UBE4B: variants seen among roughly 807,000 people sequenced by gnomAD.
UBE4B encodes the protein ubiquitination factor E4B.
Under a neutral mutation model 148.1 loss-of-function variants are expected in UBE4B, and 27 were observed. The ratio of observed to expected loss-of-function variants is 0.18; its 90% CI spans 0.13 to 0.25. The LOEUF (loss-of-function observed/expected upper bound fraction) is 0.25, where lower values mean the gene tolerates loss of function less well. UBE4B is among the 10% of genes least tolerant of loss of function. The pLI, the probability that UBE4B is intolerant of heterozygous loss-of-function variation, is 1.00. For synonymous variants in UBE4B, 596 were observed against 619.3 expected (o/e 0.96, Z 0.56); for missense variants, 1,170 against 1,662.4 (o/e 0.70, Z 5.15).
Position 10,039,290 on chromosome 1 carries a change from G to A in UBE4B, c.24+5596G>A, listed in dbSNP as rs1365829786. On this transcript the variant is annotated intron_variant, in intron 1 of 27. Coordinates refer to ENST00000343090, the MANE Select transcript of UBE4B (RefSeq NM_001105562.3). ...TGATACTTAACGCTGAGTAGCAGTT[G>A]CCCTGGGAACTGGCTCGAAATTGGG... Among the ~76,000 whole-genome samples the A allele has an allele frequency of 2.0e-5, 3 of 152,130 alleles. No individual in the cohort carries two copies. In the South Asian group the frequency reaches 6.2e-4, roughly 32 times the overall value.
chr1:10,123,772 T>G (rs12080683), intron 10 of UBE4B, among the ~76,000 whole-genome samples: 12,856 of 152,126 alleles, frequency 0.085, 1,245 homozygotes, highest in African/African-American at 0.24. Context: ...TTGTTTTGTT[T>G]TGTTTTGTTT....
At position 10,103,121 on chromosome 1, in the gene UBE4B, C is replaced by G. The variant is rs201918108; in HGVS notation, c.580+29C>G. On this transcript the variant is annotated intron_variant, in intron 5 of 27. Transcript: ENST00000343090. ...GGAATCTAGCTCAGCAGTCTTACTG[C>G]AGAGTACTCGACAAGAAAATAAGAT... 193 of 1,570,628 alleles carry G rather than the reference C, an allele frequency of 1.2e-4. 1 individual carries two copies. The highest frequency in any genetic ancestry group is 6.5e-4 in the Middle Eastern group (3 of 4,646).
intron 1 of UBE4B, among the ~76,000 whole-genome samples, chr1:10,068,283 G>A (rs1018497804): frequency 9.9e-5 from 15 of 151,878 alleles, no homozygotes; most frequent in African/African-American, 3.6e-4. Context: ...ACCTACCTTG[G>A]CCTCCCAAAA....
intron 1 of UBE4B, among the ~76,000 whole-genome samples, chr1:10,067,416 TTC>T (rs1644408760): frequency 6.6e-6 from 1 of 152,058 alleles, no homozygotes. Flanking sequence ...GAAAACAAAA[TTC>T]TCTTAAAAAA....
intron 22 of UBE4B, among the ~76,000 whole-genome samples, chr1:10,158,844 A>G (rs1489735029): frequency 1.3e-5 from 2 of 152,054 alleles, no homozygotes; most frequent in African/African-American, 4.8e-5. Context: ...CCCCATCTCT[A>G]TTAAAAATAC....
At chr1:10,074,171 A>G (rs1644540072) in intron 2 of UBE4B, among the ~76,000 whole-genome samples, 1 of 151,956 alleles carries the variant, frequency 6.6e-6, no homozygotes, top group Admixed American at 6.6e-5. Flanking sequence ...CATCAGCCTC[A>G]GTCATCACAT....
At chr1:10,131,500 G>T (rs1404304245) in intron 14 of UBE4B, among the ~76,000 whole-genome samples, 1 of 151,738 alleles carries the variant, frequency 6.6e-6, no homozygotes, top group African/African-American at 2.4e-5. Flanking sequence ...AAAGAAACAG[G>T]CAAAGAAGTT....
In UBE4B at chr1:10,107,255, C is replaced by T. The variant is rs776655886; in HGVS notation, c.1196+672C>T. On this transcript the variant is annotated intron_variant, in intron 7 of 27. Coordinates refer to ENST00000343090, the MANE Select transcript of UBE4B (RefSeq NM_001105562.3). ...ACAATCCTTTCTCCTTCCTCTTCCT[C>T]GCACTTTCTGGGGACAGTAGTGATG... The T allele has an allele frequency of 5.5e-5, 71 of 1,289,428 alleles. No homozygotes were observed. The South Asian group carries it at 7.0e-4, about 13-fold the overall frequency. The allele number at this position is 1,289,428 out of a possible 1,614,324, so 79.9% of individuals were successfully genotyped here.
At chr1:10,175,432 A>G (rs1050739404) in intron 25 of UBE4B, among the ~76,000 whole-genome samples, 1 of 151,864 alleles carries the variant, frequency 6.6e-6, no homozygotes, top group African/African-American at 2.4e-5. Flanking sequence ...CGGGCGGATC[A>G]CAAGGTCAGG....
At chr1:10,119,367 C>A in intron 8 of UBE4B, 146 bp from the exon 9 acceptor site, 1 of 695,850 alleles carries the variant, frequency 1.4e-6, no homozygotes, top group Non-Finnish European at 2.4e-6. Context: ...TTGGAAGGCA[C>A]AGTTACTGTA....
chr1:10,105,575 A>G lies in UBE4B; in HGVS notation c.640A>G (p.Thr214Ala), dbSNP rs1179343540. 6.2e-7 allele frequency: 1 copy of G among 1,614,082 alleles called. No homozygotes were observed. The highest frequency in any genetic ancestry group is 1.3e-5 in the African/African-American group (1 of 74,938). ...QILMEVLMMS[T>A]QTRDENPFAS... The stretch of plus-strand genomic sequence containing the variant: ...TTTAATGGAAGTGCTAATGATGTCC[A>G]CTCAGACCAGAGATGAAAACCCATT... The change falls in exon 6 of 28, where the codon ACT becomes GCT. Residue 214 changes from threonine to alanine, a missense_variant. By Grantham distance (58) the Thr-to-Ala change is moderately conservative. This residue lies in a region of UBE4B where 91 missense variants were observed against 120.5 expected (regional missense o/e 0.76). Transcript: ENST00000343090.
chr1:10,129,290 A>C, intron 11 of UBE4B, 102 bp from the exon 12 acceptor site: 1 of 1,069,126 alleles, frequency 9.4e-7, no homozygotes, highest in Non-Finnish European at 1.4e-6. Context: ...GCCATTTTAG[A>C]GGGAACGAAT....
chr1:10,136,285 C>G lies in UBE4B; in HGVS notation c.2225-782C>G, dbSNP rs369746054. Reference sequence around the variant, plus strand: ...CCCAGGAGTTCAAGACCAGCCTGGGCAAAATAAGGAAACCCCATGTCTACA... The same window carrying G: ...CCCAGGAGTTCAAGACCAGCCTGGGGAAAATAAGGAAACCCCATGTCTACA... On this transcript the variant is annotated intron_variant, in intron 16 of 27. Transcript: ENST00000343090. Among the ~76,000 whole-genome samples the G allele has an allele frequency of 1.6e-4, 24 of 151,866 alleles. No individual in the cohort carries two copies. The East Asian group carries it at 2.1e-3, about 14-fold the overall frequency.
At chr1:10,145,761 G>C (rs1249860614) in intron 18 of UBE4B, among the ~76,000 whole-genome samples, 2 of 152,274 alleles carry the variant, frequency 1.3e-5, no homozygotes, top group East Asian at 3.9e-4. Context: ...GTAGTGGAAA[G>C]ATCTCTTTCC....
At chr1:10,063,239 G>A (rs907173058) in intron 1 of UBE4B, among the ~76,000 whole-genome samples, 2 of 152,144 alleles carry the variant, frequency 1.3e-5, no homozygotes, top group Non-Finnish European at 2.9e-5. Context: ...CTGCACTCCC[G>A]CCTGGGTGAT....
intron 24 of UBE4B, 37 bp from the exon 25 acceptor site, chr1:10,171,101 A>G (rs1646332462): frequency 1.3e-6 from 2 of 1,589,414 alleles, no homozygotes; most frequent in Non-Finnish European, 1.7e-6. Context: ...ACTTGTCTCA[A>G]CAGCATGAAT....
chr1:10,076,394 C>T (rs1269717008), intron 2 of UBE4B, among the ~76,000 whole-genome samples: 1 of 152,008 alleles, frequency 6.6e-6, no homozygotes, highest in Non-Finnish European at 1.5e-5. Context: ...CAGGTGCCCA[C>T]CACCATGCCT....
At chr1:10,124,987 G>A (rs1478869110) in intron 10 of UBE4B, among the ~76,000 whole-genome samples, 1 of 152,064 alleles carries the variant, frequency 6.6e-6, no homozygotes, top group Non-Finnish European at 1.5e-5. Context: ...ATTAGCTGGC[G>A]CAGAAGTGCA....
intron 17 of UBE4B, among the ~76,000 whole-genome samples, chr1:10,144,210 A>T (rs1314285539): frequency 1.3e-5 from 2 of 152,210 alleles, no homozygotes; most frequent in Admixed American, 6.5e-5. Context: ...AGAGAAGAGC[A>T]TTGCGAGCAG....
Sources: gnomAD v4.1 joint callset for allele counts (sites outside exome capture counted in the v4.1 genomes callset) on GRCh38, gnomAD v4.1.1 for gene constraint, gnomAD v4.1.1 regional missense constraint, MANE v1.5 for transcripts, NCBI Gene and HGNC (gene_info 2026-07-23, HGNC 2026-07-21) for gene names.